SPEN: variants seen among roughly 807,000 people sequenced by gnomAD.
SPEN encodes msx2-interacting protein.
A neutral mutation model predicts 269.9 loss-of-function variants in SPEN; 18 were observed. That is an observed-to-expected ratio of 0.07 (90% CI 0.05 to 0.10). The LOEUF is 0.10. SPEN is among the 10% of genes least tolerant of loss of function. The probability of loss-of-function intolerance (pLI) is 1.00; values close to 1 mark genes in which losing one functional copy is unlikely to be tolerated. For synonymous variants in SPEN, 1,726 were observed against 1,765.7 expected, an observed-to-expected ratio of 0.98 and a Z score of 0.56; for missense variants, 3,822 against 4,631.2, an observed-to-expected ratio of 0.83 and a Z score of 5.07.
At chr1:15,856,899 A>G (rs535194612) in intron 1 of SPEN, among the ~76,000 whole-genome samples, 7 of 152,168 alleles carry the variant, frequency 4.6e-5, no homozygotes, top group East Asian at 3.9e-4. Flanking sequence ...TTAGTAAAGA[A>G]GCATATATAT....
At position 15,932,144 on chromosome 1, in the gene SPEN, C is replaced by T. The variant is rs768334601; in HGVS notation, c.5904C>T (p.Ala1968=). 1 of 1,613,212 alleles carries T rather than the reference C, an allele frequency of 6.2e-7. No homozygotes were observed. The highest frequency in any genetic ancestry group is 8.5e-7 in the Non-Finnish European group (1 of 1,179,630). The change falls in exon 11 of 15, where the codon GCC becomes GCT. Residue 1968 remains alanine (A), a synonymous_variant. Coordinates refer to ENST00000375759, the MANE Select transcript of SPEN (RefSeq NM_015001.3). This position sits in a 1 kb window ranked among gnomAD's most constrained non-coding sequence, Gnocchi z 4.2. The part of the protein sequence containing the change: ...RRADEEEENE[A]KEPAETLKPP... ...CCGATGAAGAGGAGGAGAACGAGGC[C>T]AAGGAACCTGCAGAAACACTCAAGC...
chr1:15,919,380 A>G, intron 7 of SPEN, 24 bp from the exon 8 acceptor site: 1 of 1,487,690 alleles, frequency 6.7e-7, no homozygotes, highest in Non-Finnish European at 9.1e-7. Flanking sequence ...CTTTACTAAT[A>G]GAAATTTTGC....
chr1:15,855,309 A>G (rs1035120554), intron 1 of SPEN, among the ~76,000 whole-genome samples: 1 of 152,158 alleles, frequency 6.6e-6, no homozygotes, highest in East Asian at 1.9e-4. Context: ...TTTGATTGTT[A>G]TATTCCCATT....
intron 3 of SPEN, among the ~76,000 whole-genome samples, chr1:15,902,803 T>C (rs2070916306): frequency 6.6e-6 from 1 of 152,250 alleles, no homozygotes; most frequent in Non-Finnish European, 1.5e-5. Context: ...AGCTACCTGA[T>C]GGTTAGGGAG....
At chr1:15,899,661 G>A (rs2070881645) in intron 3 of SPEN, among the ~76,000 whole-genome samples, 1 of 148,684 alleles carries the variant, frequency 6.7e-6, no homozygotes. Context: ...TATGAGCCCA[G>A]TTTCACATGG....
Position 15,931,719 on chromosome 1 carries a change from C to G in SPEN, c.5479C>G (p.Pro1827Ala), listed in dbSNP as rs891895629. The change falls in exon 11 of 15, where the codon CCT becomes GCT. Residue 1827 changes from proline (P) to alanine (A), a missense_variant. Physicochemically the swap from Pro to Ala is conservative, Grantham distance 27. Coordinates refer to ENST00000375759, the MANE Select transcript of SPEN (RefSeq NM_015001.3). The surrounding 1 kb of genome is among the most constrained non-coding windows in gnomAD (Gnocchi z 4.8). The part of the protein sequence containing the change: ...KPNKSKRSKT[P>A]VQAAAVSIVE... The stretch of plus-strand genomic sequence containing the variant: ...AAACAAAAGCAAGCGTTCAAAGACC[C>G]CTGTTCAGGCAGCTGCAGTGAGTAT... 1.9e-6 allele frequency: 3 copies of G among 1,614,050 alleles called. No homozygotes were observed. Among genetic ancestry groups the G allele is most frequent in the African/African-American group, 1.3e-5 (1 of 74,908 alleles).
chr1:15,856,202 G>C (rs865878123), intron 1 of SPEN, among the ~76,000 whole-genome samples: 2 of 151,700 alleles, frequency 1.3e-5, no homozygotes, highest in African/African-American at 4.8e-5. Flanking sequence ...ATGTTAGCCA[G>C]CATGGTCTCG....
At position 15,931,727 on chromosome 1, in the gene SPEN, G is replaced by A. The variant is rs182430357; in HGVS notation, c.5487G>A (p.Gln1829=). Residue 1829 remains glutamine, a synonymous_variant, in exon 11 of 15, where the codon CAG becomes CAA. Coordinates refer to ENST00000375759, the MANE Select transcript of SPEN (RefSeq NM_015001.3). This position sits in a 1 kb window ranked among gnomAD's most constrained non-coding sequence, Gnocchi z 4.8. ...GCAAGCGTTCAAAGACCCCTGTTCA[G>A]GCAGCTGCAGTGAGTATCGTGGAGA... The part of the protein sequence containing the change: ...NKSKRSKTPV[Q]AAAVSIVEKP... The A allele has an allele frequency of 1.2e-6, 2 of 1,614,158 alleles. No individual in the cohort carries two copies. The highest frequency in any genetic ancestry group is 2.7e-5 in the African/African-American group (2 of 75,036).
intron 3 of SPEN, among the ~76,000 whole-genome samples, chr1:15,896,104 C>G (rs957786946): frequency 6.6e-6 from 1 of 151,194 alleles, no homozygotes; most frequent in African/African-American, 2.4e-5. Context: ...GATTTTTTTC[C>G]TCTCATTTAT....
intron 1 of SPEN, among the ~76,000 whole-genome samples, chr1:15,860,609 C>CTT (rs368279811): frequency 2.8e-5 from 4 of 143,656 alleles, no homozygotes; most frequent in Admixed American, 2.1e-4. Flanking sequence ...CTATTAGTGA[C>CTT]TTTTTTTTTT....
intron 10 of SPEN, among the ~76,000 whole-genome samples, chr1:15,926,918 TC>T (rs2071172999): frequency 6.6e-6 from 1 of 152,152 alleles, no homozygotes; most frequent in Non-Finnish European, 1.5e-5. Context: ...GGTCTTGATC[TC>T]CTAACCTCGT....
Position 15,931,788 on chromosome 1 carries a change from G to A in SPEN, c.5548G>A (p.Glu1850Lys). 6.2e-7 allele frequency: 1 copy of A among 1,614,170 alleles called. No homozygotes were observed. Among genetic ancestry groups the A allele is most frequent in the East Asian group, 2.2e-5 (1 of 44,890 alleles). Residue 1850 changes from glutamate (E) to lysine (K), a missense_variant, in exon 11 of 15, where the codon GAA becomes AAA. Physicochemically the swap from Glu to Lys is moderately conservative, Grantham distance 56 (BLOSUM62 1). Transcript: ENST00000375759. This position sits in a 1 kb window ranked among gnomAD's most constrained non-coding sequence, Gnocchi z 4.8. ...AAGGAAGAGTGAGAGGATAGACCGG[G>A]AAAAACTCAAGCGGTCCAATTCTCC... ...VTRKSERIDR[E>K]KLKRSNSPRG...
Position 15,937,406 on chromosome 1 carries a change from G to A in SPEN, c.10270G>A (p.Ala3424Thr), listed in dbSNP as rs769748633. The A allele has an allele frequency of 3.7e-6, 6 of 1,613,724 alleles. No homozygotes were observed. Among genetic ancestry groups the A allele is most frequent in the African/African-American group, 1.3e-5 (1 of 74,970 alleles). The change falls in exon 12 of 15, where the codon GCA (alanine) becomes ACA (threonine). Residue 3424 changes from alanine (A) to threonine (T), a missense_variant. Coordinates refer to ENST00000375759, the MANE Select transcript of SPEN (RefSeq NM_015001.3). This position sits in a 1 kb window ranked among gnomAD's most constrained non-coding sequence, Gnocchi z 5.7. ...EPHTQVQRAQAETGPTSFPSP... is the reference protein window; with the variant it reads ...EPHTQVQRAQTETGPTSFPSP... ...TCACACCCAGGTTCAGAGGGCACAA[G>A]CAGAAACAGGCCCGACTTCCTTCCC...
intron 3 of SPEN, among the ~76,000 whole-genome samples, chr1:15,883,412 G>C (rs937821566): frequency 6.6e-6 from 1 of 152,124 alleles, no homozygotes; most frequent in Admixed American, 6.5e-5. Context: ...CTTTGCATTA[G>C]AACGATGTAC....
intron 1 of SPEN, among the ~76,000 whole-genome samples, chr1:15,853,873 C>T (rs373344126): frequency 9.2e-5 from 14 of 151,894 alleles, no homozygotes; most frequent in Admixed American, 3.3e-4. Context: ...TTCACTATGT[C>T]GGCCAGGCTG....
At chr1:15,866,793 A>G (rs1210621863) in intron 1 of SPEN, among the ~76,000 whole-genome samples, 1 of 152,210 alleles carries the variant, frequency 6.6e-6, no homozygotes, top group Non-Finnish European at 1.5e-5. Context: ...CTCATCATAT[A>G]TAACGTTCCT....
intron 6 of SPEN, among the ~76,000 whole-genome samples, chr1:15,917,223 C>T: frequency 6.6e-6 from 1 of 152,188 alleles, no homozygotes; most frequent in East Asian, 1.9e-4. Flanking sequence ...ATGTCGTCTG[C>T]TAGCAGTTTA....
intron 3 of SPEN, among the ~76,000 whole-genome samples, chr1:15,878,679 G>A (rs2070656116): frequency 6.6e-6 from 1 of 152,144 alleles, no homozygotes; most frequent in South Asian, 2.1e-4. Flanking sequence ...TTAAAAAGCT[G>A]CATCTGCATT....
chr1:15,939,632 T>G lies in SPEN; in HGVS notation c.*205T>G. 2.0e-6 allele frequency: 1 copy of G among 511,650 alleles called. No homozygotes were observed. Among genetic ancestry groups the G allele is most frequent in the Non-Finnish European group, 3.2e-6 (1 of 311,938 alleles). The allele number at this position is 511,650 out of a possible 1,614,324, so 31.7% of individuals were successfully genotyped here. ...GCTACCTTGTATGTTTACATAATGCTTTAGCCCAAGGACACATCACCAACC... is the reference window on the plus strand; with the variant it reads ...GCTACCTTGTATGTTTACATAATGCGTTAGCCCAAGGACACATCACCAACC... On this transcript the variant is annotated 3_prime_UTR_variant, in exon 15 of 15. Transcript: ENST00000375759. The surrounding 1 kb of genome is among the most constrained non-coding windows in gnomAD (Gnocchi z 4.1).
Sources: gnomAD v4.1 joint callset for allele counts (sites outside exome capture counted in the v4.1 genomes callset) on GRCh38, gnomAD v4.1.1 for gene constraint, Gnocchi (gnomAD v3.1) non-coding constraint, MANE v1.5 for transcripts, NCBI Gene and HGNC (gene_info 2026-07-23, HGNC 2026-07-21) for gene names.